Variants in CDCP2 observed in about 807,000 individuals in gnomAD.
CDCP2 encodes the protein CUB domain-containing protein 2.
CDCP2 carries 31 observed loss-of-function variants against 31.0 expected under a neutral mutation model. That is an observed-to-expected ratio of 1.00 (90% confidence interval 0.75 to 1.35). The LOEUF is 1.35. CDCP2 is among the 40% of genes most tolerant of loss of function. The pLI is 0.00. For missense variants in CDCP2, 443 were observed against 482.6 expected (o/e 0.92, Z 0.77); for synonymous variants, 206 against 207.9 (o/e 0.99, Z 0.08).
At chr1:54,136,850 G>A (rs992777209) in intron 4 of CDCP2, 42 bp from the exon 5 acceptor site, 20 of 399,010 alleles carry the variant, frequency 5.0e-5, no homozygotes, top group African/African-American at 2.5e-4. Flanking sequence ...AGGGTCAGGC[G>A]GTCTGACCCT....
At position 54,144,477 on chromosome 1, in the gene CDCP2, C is replaced by T. The variant is rs144870678; in HGVS notation, c.416G>A (p.Gly139Asp). Residue 139 changes from glycine (G) to aspartate (D), a missense_variant, in exon 2 of 6, where the codon GGC becomes GAC. Transcript: ENST00000530059. ...GGCCCCCCGTTGACCTTTCTGGTAG[C>T]CCGCAGAAAAGCCATGGCTGGCCAC... is the stretch of plus-strand genomic sequence containing the variant. The T allele has an allele frequency of 4.4e-4, 685 of 1,573,978 alleles. 2 individuals are homozygous for T. The highest frequency in any genetic ancestry group is 3.9e-3 in the Middle Eastern group (23 of 5,868).
At chr1:54,143,217 G>T (rs1164942305) in intron 2 of CDCP2, among the ~76,000 whole-genome samples, 3 of 152,122 alleles carry the variant, frequency 2.0e-5, no homozygotes, top group Non-Finnish European at 4.4e-5. Flanking sequence ...GCGCGCGCCT[G>T]TAATCCCAGC....
At chr1:54,133,862 C>T (rs1360714913) in intron 5 of CDCP2, among the ~76,000 whole-genome samples, 3 of 146,604 alleles carry the variant, frequency 2.0e-5, no homozygotes, top group South Asian at 2.2e-4. Flanking sequence ...AGCCACTGCA[C>T]TCCAGCCTGT....
At chr1:54,149,938 T>G (rs558082835) in intron 1 of CDCP2, among the ~76,000 whole-genome samples, 1 of 152,352 alleles carries the variant, frequency 6.6e-6, no homozygotes, top group East Asian at 1.9e-4. Flanking sequence ...GGAAGTCACT[T>G]GTTGTAGTGA....
intron 3 of CDCP2, 198 bp from the exon 4 acceptor site, chr1:54,140,304 A>G: frequency 1.7e-6 from 1 of 600,548 alleles, no homozygotes; most frequent in South Asian, 2.0e-5. Flanking sequence ...CTTGTTTTAA[A>G]CTGCAACTAG....
intron 5 of CDCP2, among the ~76,000 whole-genome samples, chr1:54,135,106 C>A (rs1659237207): frequency 6.6e-6 from 1 of 150,628 alleles, no homozygotes; most frequent in South Asian, 2.1e-4. Flanking sequence ...GAAAGAAAGA[C>A]TCCTGAGAGT....
intron 2 of CDCP2, chr1:54,144,108 G>A (rs929734225): frequency 5.0e-5 from 10 of 201,824 alleles, no homozygotes; most frequent in Admixed American, 1.1e-4. Flanking sequence ...AGCGCAGTGC[G>A]ACCCTCTGAC....
intron 1 of CDCP2, among the ~76,000 whole-genome samples, chr1:54,147,634 T>A (rs1032835938): frequency 6.6e-6 from 1 of 151,804 alleles, no homozygotes; most frequent in Non-Finnish European, 1.5e-5. Flanking sequence ...CTCAAATTGC[T>A]GGGATTACAG....
intron 5 of CDCP2, among the ~76,000 whole-genome samples, chr1:54,135,696 C>A (rs554633411): frequency 5.7e-4 from 87 of 152,198 alleles, no homozygotes; most frequent in Non-Finnish European, 9.4e-4. Context: ...GGCAGAATAC[C>A]TCGGCAGCCA....
At chr1:54,143,009 T>C (rs1334357721) in intron 2 of CDCP2, 1 of 152,234 alleles carries the variant, frequency 6.6e-6, no homozygotes, top group Non-Finnish European at 1.5e-5. Context: ...TATTTACTTG[T>C]GTTTTTAATG....
At chr1:54,140,516 C>CTGA (rs1174238641) in intron 3 of CDCP2, 2 of 280,476 alleles carry the variant, frequency 7.1e-6, no homozygotes, top group Non-Finnish European at 1.4e-5. Flanking sequence ...CAAACACTCT[C>CTGA]TGCCCTCCAG....
intron 4 of CDCP2, among the ~76,000 whole-genome samples, chr1:54,137,366 G>T (rs1196100106): frequency 6.6e-6 from 1 of 152,130 alleles, no homozygotes; most frequent in Non-Finnish European, 1.5e-5. Flanking sequence ...AAGAAACAGC[G>T]GGAGAGTAGA....
At chr1:54,149,932 G>GTCA (rs1659548463) in intron 1 of CDCP2, among the ~76,000 whole-genome samples, 1 of 152,274 alleles carries the variant, frequency 6.6e-6, no homozygotes, top group Admixed American at 6.5e-5. Flanking sequence ...GGAAAGGGAA[G>GTCA]TCACTTGTTG....
At chr1:54,141,003 G>A (rs996770763) in intron 3 of CDCP2, 95 bp downstream of exon 3, 16 of 1,048,902 alleles carry the variant, frequency 1.5e-5, no homozygotes, top group Middle Eastern at 3.0e-4. Context: ...TCAAGGCTGC[G>A]GGGGGCAGAA....
chr1:54,133,432 T>C (rs1300756758), intron 5 of CDCP2, 138 bp from the exon 6 acceptor site: 4 of 397,540 alleles, frequency 1.0e-5, no homozygotes, highest in South Asian at 1.4e-4. Context: ...GCCTCAGTGA[T>C]CCCATCTGTA....
rs774817287 is a variant in CDCP2, at chr1:54,141,403, G to C, written c.458C>G (p.Ser153Ter). 44 of 1,612,182 alleles carry C rather than the reference G, an allele frequency of 2.7e-5. No individual in the cohort carries two copies. The highest frequency in any genetic ancestry group is 3.5e-5 in the Non-Finnish European group (41 of 1,178,854). Reference sequence around the variant, plus strand: ...ATACTCAGGACTGGTGAGGACCCCTGACAGGCCAGTCAGGACGCCGCCACA... The same window carrying C: ...ATACTCAGGACTGGTGAGGACCCCTCACAGGCCAGTCAGGACGCCGCCACA... Residue 153 changes from serine to a stop codon, truncating the protein, a stop_gained, in exon 3 of 6, where the codon TCA becomes TGA. Transcript: ENST00000530059. LOFTEE classifies it high-confidence loss of function.
chr1:54,140,026 G>T, exon 4 of CDCP2: 1 of 1,613,928 alleles, frequency 6.2e-7, no homozygotes, highest in Non-Finnish European at 8.5e-7. Context: ...CAGTGGCAGC[G>T]GATGTTGTTG....
intron 4 of CDCP2, chr1:54,139,171 C>A (rs1213070291): frequency 1.7e-5 from 4 of 232,660 alleles, no homozygotes; most frequent in East Asian, 1.1e-4. Context: ...CAGTCTTGAA[C>A]ATGGATGCGA....
intron 1 of CDCP2, among the ~76,000 whole-genome samples, chr1:54,150,708 G>C (rs1466533762): frequency 6.6e-6 from 1 of 152,202 alleles, no homozygotes; most frequent in African/African-American, 2.4e-5. Flanking sequence ...AGAGGCTCTG[G>C]CTGTGGCATC....
Sources: gnomAD v4.1 joint callset for allele counts (sites outside exome capture counted in the v4.1 genomes callset) on GRCh38, gnomAD v4.1.1 for gene constraint, MANE v1.5 for transcripts, NCBI Gene and HGNC (gene_info 2026-07-23, HGNC 2026-07-21) for gene names.